Variants in POGZ observed in about 807,000 individuals in gnomAD.
POGZ encodes the protein pogo transposable element derived with ZNF domain, also known as pogo transposable element with ZNF domain.
Under a neutral mutation model 134.6 loss-of-function variants are expected in POGZ, and 17 were observed. The observed-to-expected ratio is 0.13, with a 90% CI of 0.09 to 0.19. POGZ has a LOEUF of 0.19. Ranked by LOEUF, POGZ falls within the 10% of genes least tolerant of loss-of-function variation. The probability of loss-of-function intolerance (pLI) is 1.00; values close to 1 mark genes in which losing one functional copy is unlikely to be tolerated. For synonymous variants in POGZ, 693 were observed against 657.1 expected, an observed-to-expected ratio of 1.05 and a Z score of -0.84; for missense variants, 1,306 against 1,769.7, an observed-to-expected ratio of 0.74 and a Z score of 4.70.
chr1:151,432,036 G>T (rs1224008975), intron 3 of POGZ, among the ~76,000 whole-genome samples: 2 of 152,256 alleles, frequency 1.3e-5, no homozygotes, highest in South Asian at 4.2e-4. Context: ...AGGCATGGTG[G>T]CGCATCCCTG....
chr1:151,447,412 C>G (rs556137646), intron 1 of POGZ, among the ~76,000 whole-genome samples: 1 of 151,696 alleles, frequency 6.6e-6, no homozygotes, highest in South Asian at 2.1e-4. Flanking sequence ...GCCTAAAAAA[C>G]TGATAATCCC....
intron 10 of POGZ, among the ~76,000 whole-genome samples, chr1:151,415,170 T>TC (rs1244994282): frequency 1.3e-5 from 2 of 152,106 alleles, no homozygotes; most frequent in Non-Finnish European, 2.9e-5. Flanking sequence ...TCTTCAATCT[T>TC]CCCCAACCCC....
chr1:151,423,105 A>T (rs1657215383), intron 10 of POGZ, among the ~76,000 whole-genome samples: 1 of 152,204 alleles, frequency 6.6e-6, no homozygotes, highest in South Asian at 2.1e-4. Context: ...TCCTTCTATA[A>T]AGAGACCTAA....
intron 7 of POGZ, among the ~76,000 whole-genome samples, chr1:151,425,604 T>C (rs1164714816): frequency 6.6e-6 from 1 of 152,200 alleles, no homozygotes; most frequent in Non-Finnish European, 1.5e-5. Flanking sequence ...AATCATATGG[T>C]ACTTGTCCTT....
intron 1 of POGZ, among the ~76,000 whole-genome samples, chr1:151,447,033 T>A (rs1324980970): frequency 3.9e-5 from 6 of 152,244 alleles, no homozygotes; most frequent in South Asian, 2.1e-4. Context: ...AAACATCATA[T>A]TCATAAATAT....
chr1:151,425,521 G>A (rs1022606417), intron 7 of POGZ, among the ~76,000 whole-genome samples: 2 of 151,630 alleles, frequency 1.3e-5, no homozygotes, highest in African/African-American at 2.4e-5. Flanking sequence ...TTCTCCCCTC[G>A]CCTCCACCCC....
In POGZ at chr1:151,406,356, G is replaced by C. The variant is rs1557867986; in HGVS notation, c.2679C>G (p.Thr893=). The change falls in exon 19 of 19, where the codon ACC becomes ACG. Residue 893 remains threonine, a synonymous_variant. Transcript: ENST00000271715. ...KAATVKSAGA[T]PAEPEELLTP... is the part of the protein sequence containing the mutation. The stretch of plus-strand genomic sequence containing the variant: ...TTAGTAGCTCTTCAGGCTCAGCTGG[G>C]GTGGCCCCCGCAGATTTCACAGTGG... 1 of 1,598,778 alleles carries C rather than the reference G, an allele frequency of 6.3e-7. No individual in the cohort carries two copies. The highest frequency in any genetic ancestry group is 1.3e-5 in the African/African-American group (1 of 74,514).
chr1:151,422,492 A>G (rs1657078278), intron 10 of POGZ, among the ~76,000 whole-genome samples: 2 of 152,240 alleles, frequency 1.3e-5, no homozygotes, highest in South Asian at 4.1e-4. Flanking sequence ...GCTTATGTTC[A>G]GCCTACATCT....
Position 151,404,473 on chromosome 1 carries a change from T to C in POGZ, c.*329A>G. 9.8e-7 allele frequency: 1 copy of C among 1,024,238 alleles called. No individual in the cohort carries two copies. Among genetic ancestry groups the C allele is most frequent in the African/African-American group, 1.7e-5 (1 of 58,518 alleles). 63.4% of individuals were successfully genotyped at this position (1,024,238 alleles called of 1,614,324 possible). A position where few individuals can be genotyped will look rare whatever the true frequency, so the allele number is the denominator to read the frequency against. On this transcript the variant is annotated 3_prime_UTR_variant, in exon 19 of 19. Coordinates refer to ENST00000271715, the MANE Select transcript of POGZ (RefSeq NM_015100.4). Reference sequence around the variant, plus strand: ...AAAAAATTTAACATTTGCCCACAAATAATTTTTTTTCTTTTTCTTAATTTT... The same window carrying C: ...AAAAAATTTAACATTTGCCCACAAACAATTTTTTTTCTTTTTCTTAATTTT...
At chr1:151,442,414 T>A (rs1333479115) in intron 1 of POGZ, 1 of 392,506 alleles carries the variant, frequency 2.5e-6, no homozygotes, top group African/African-American at 2.1e-5. Flanking sequence ...AATTATTTAA[T>A]AATTAGGGTT....
intron 12 of POGZ, among the ~76,000 whole-genome samples, chr1:151,410,169 C>A (rs1283902379): frequency 6.6e-6 from 1 of 152,148 alleles, no homozygotes; most frequent in Non-Finnish European, 1.5e-5. Flanking sequence ...TATTTTAAAA[C>A]GAAGTCATAG....
rs143109435 is a variant in POGZ, at chr1:151,445,146, C to G, written c.-1-2941G>C. ...GTTTATGTCCTAACTACTTTTTAAT[C>G]AAGTGAGAAAAATATCTCTTCTCCT... On this transcript the variant is annotated intron_variant, in intron 1 of 18. Coordinates refer to ENST00000271715, the MANE Select transcript of POGZ (RefSeq NM_015100.4). Among the ~76,000 whole-genome samples the G allele has an allele frequency of 9.1e-4, 139 of 152,228 alleles. 3 individuals carry two copies. The highest frequency in any genetic ancestry group is 8.3e-3 in the East Asian group (43 of 5,192).
intron 7 of POGZ, chr1:151,426,826 AT>A (rs1277311083): frequency 6.6e-6 from 1 of 152,070 alleles, no homozygotes; most frequent in Non-Finnish European, 1.5e-5. Flanking sequence ...TCTTTGATCC[AT>A]TTTGAGTTAA....
intron 1 of POGZ, among the ~76,000 whole-genome samples, chr1:151,457,927 CAAA>C (rs34068254): frequency 1.1e-4 from 15 of 136,496 alleles, no homozygotes; most frequent in Admixed American, 2.2e-4. Flanking sequence ...AACTTCGTCT[CAAA>C]AAAAAAAAAA....
chr1:151,420,791 T>A lies in POGZ; in HGVS notation c.1678+2606A>T, dbSNP rs575289141. ...GGAGGAAAAAAGAATGACGAATATCTCATTAATTTTAAATTTTGAGTTCAT... is the reference window on the plus strand; with the variant it reads ...GGAGGAAAAAAGAATGACGAATATCACATTAATTTTAAATTTTGAGTTCAT... On this transcript the variant is annotated intron_variant, in intron 10 of 18. Coordinates refer to ENST00000271715, the MANE Select transcript of POGZ (RefSeq NM_015100.4). Among the ~76,000 whole-genome samples, 123 of 152,292 alleles carry A rather than the reference T, an allele frequency of 8.1e-4. 3 individuals are homozygous for A. The South Asian group carries it at 0.025, about 31-fold the overall frequency.
At chr1:151,409,070 T>A (rs1017541169) in intron 12 of POGZ, among the ~76,000 whole-genome samples, 2 of 152,190 alleles carry the variant, frequency 1.3e-5, no homozygotes, top group Non-Finnish European at 2.9e-5. Flanking sequence ...TCTCAAATCA[T>A]CCTTTCCTGA....
intron 3 of POGZ, among the ~76,000 whole-genome samples, chr1:151,434,436 C>A (rs192392173): frequency 6.6e-6 from 1 of 152,036 alleles, no homozygotes; most frequent in East Asian, 1.9e-4. Context: ...TGTGTTCGTG[C>A]CACTACTGCA....
chr1:151,442,078 T>C lies in POGZ; in HGVS notation c.124+3A>G. 5.0e-6 allele frequency: 8 copies of C among 1,590,178 alleles called. No homozygotes were observed. Among genetic ancestry groups the C allele is most frequent in the Non-Finnish European group, 6.9e-6 (8 of 1,159,902 alleles). ...CATCTAAGATCAGAAGAGCTTTTGTTACCTGTGGTAGTTTTATCCACTGAA... is the reference window on the plus strand; with the variant it reads ...CATCTAAGATCAGAAGAGCTTTTGTCACCTGTGGTAGTTTTATCCACTGAA... On this transcript the variant is annotated splice_donor_region_variant and intron_variant, in intron 2 of 18. Coordinates refer to ENST00000271715, the MANE Select transcript of POGZ (RefSeq NM_015100.4).
At chr1:151,429,353 G>A (rs1404168195) in intron 5 of POGZ, 3 of 255,552 alleles carry the variant, frequency 1.2e-5, no homozygotes, top group Non-Finnish European at 2.2e-5. Context: ...ACCAGTTACA[G>A]AAAAATGACT....
Sources: allele counts gnomAD v4.1 joint callset (sites outside exome capture counted in the v4.1 genomes callset), GRCh38; gene constraint gnomAD v4.1.1; transcripts MANE v1.5; gene names NCBI Gene and HGNC (gene_info 2026-07-23, HGNC 2026-07-21).